Variants in CYGB observed in about 807,000 individuals in gnomAD.
The protein encoded by CYGB is cytoglobin.
In CYGB, 13 loss-of-function variants were observed where a neutral mutation model predicts 20.7. The ratio of observed to expected loss-of-function variants is 0.63; its 90% confidence interval spans 0.41 to 1.00. The LOEUF is 1.00. Ranked by LOEUF, CYGB falls within the 50% of genes least tolerant of loss-of-function variation. The pLI, the probability that CYGB is intolerant of heterozygous loss-of-function variation, is 0.00. For synonymous variants in CYGB, 93 were observed against 107.4 expected, an observed-to-expected ratio of 0.87 and a Z score of 0.83; for missense variants, 218 against 257.2, an observed-to-expected ratio of 0.85 and a Z score of 1.04.
At chr17:76,534,113 T>C (rs2074882925) in intron 1 of CYGB, among the ~76,000 whole-genome samples, 1 of 148,372 alleles carries the variant, frequency 6.7e-6, no homozygotes, top group Non-Finnish European at 1.5e-5. Flanking sequence ...CTTTCTTTCT[T>C]CTTTCTTTCT....
In CYGB at chr17:76,547,841, T is replaced by TCA. The variant is rs144275867; in HGVS notation, c.-53+3019_-53+3020dup. Among the ~76,000 whole-genome samples, 43 of 123,816 alleles carry TCA rather than the reference T, an allele frequency of 3.5e-4. 2 individuals carry two copies. The highest frequency in any genetic ancestry group is 1.7e-3 in the African/African-American group (41 of 24,762). 81.2% of individuals were successfully genotyped at this position (123,816 alleles called of 152,430 possible). A position where few individuals can be genotyped will look rare whatever the true frequency, so the allele number is the denominator to read the frequency against. On this transcript the variant is annotated intron_variant, in intron 1 of 3. Coordinates refer to the CYGB transcript ENST00000589145. Reference sequence around the variant, plus strand: ...TCACACACACACACACAACACACATTCACACACACACAGACATACACATAT... The same window carrying TCA: ...TCACACACACACACACAACACACATTCACACACACACACAGACATACACATAT...
chr17:76,542,639 G>A (rs1303543618), upstream of CYGB: 4 of 1,592,216 alleles, frequency 2.5e-6, no homozygotes, highest in South Asian at 3.3e-5. Flanking sequence ...GGCAGGTAGG[G>A]CAGGGCTGGG....
At chr17:76,543,741 C>T (rs1236281434) in intron 1 of CYGB, 8 of 469,280 alleles carry the variant, frequency 1.7e-5, no homozygotes, top group Middle Eastern at 5.2e-4. Flanking sequence ...ACTTGTGGTC[C>T]GAGGTGCTGG....
intron 1 of CYGB, among the ~76,000 whole-genome samples, chr17:76,542,855 T>G (rs2075008034): frequency 6.6e-6 from 1 of 152,158 alleles, no homozygotes; most frequent in African/African-American, 2.4e-5. Context: ...GAACCAGGTG[T>G]AGTTTGACCA....
upstream of CYGB, among the ~76,000 whole-genome samples, chr17:76,541,381 G>A (rs926444316): frequency 1.3e-5 from 2 of 152,192 alleles, no homozygotes; most frequent in African/African-American, 4.8e-5. Flanking sequence ...GGGTCAGGGC[G>A]CACTGGCAGG....
chr17:76,537,019 T>C (rs2074922618), intron 1 of CYGB, among the ~76,000 whole-genome samples: 1 of 152,188 alleles, frequency 6.6e-6, no homozygotes, highest in Non-Finnish European at 1.5e-5. Context: ...GAGCCTCGGT[T>C]TTCCCATCTC....
Position 76,537,613 on chromosome 17 carries a change from G to A in CYGB, c.-71C>T, listed in dbSNP as rs1458858676. On this transcript the variant is annotated 5_prime_UTR_variant, in exon 1 of 4. Coordinates refer to ENST00000293230, the MANE Select transcript of CYGB (RefSeq NM_134268.5). Reference sequence around the variant, plus strand: ...CGGGGCGCGGGGCGCGGGGCGCGGGGCGCCGGGAGCCGGGGCCGGCTGCGT... The same window carrying A: ...CGGGGCGCGGGGCGCGGGGCGCGGGACGCCGGGAGCCGGGGCCGGCTGCGT... 9.9e-7 allele frequency: 1 copy of A among 1,013,102 alleles called. No homozygotes were observed. Among genetic ancestry groups the A allele is most frequent in the African/African-American group, 1.7e-5 (1 of 57,210 alleles). 62.8% of individuals were successfully genotyped at this position (1,013,102 alleles called of 1,614,324 possible).
In CYGB at chr17:76,528,313, G is replaced by A; in HGVS notation, c.*265C>T. On this transcript the variant is annotated 3_prime_UTR_variant, in exon 4 of 4. Transcript: ENST00000293230. The surrounding 1 kb of genome is among the most constrained non-coding windows in gnomAD (Gnocchi z 5.8). Reference sequence around the variant, plus strand: ...CCGCTTCCTGCCAGCCGCTCAGCTAGGTCTCTCTCTAACAGTGAGTAGAAA... The same window carrying A: ...CCGCTTCCTGCCAGCCGCTCAGCTAAGTCTCTCTCTAACAGTGAGTAGAAA... 1 of 400,916 alleles carries A rather than the reference G, an allele frequency of 2.5e-6. No individual in the cohort carries two copies. The allele number at this position is 400,916 out of a possible 1,614,324, so 24.8% of individuals were successfully genotyped here. A position where few individuals can be genotyped will look rare whatever the true frequency, so the allele number is the denominator to read the frequency against.
chr17:76,531,723 C>G lies in CYGB; in HGVS notation c.144-32G>C. 1 of 1,554,048 alleles carries G rather than the reference C, an allele frequency of 6.4e-7. No individual in the cohort carries two copies. The highest frequency in any genetic ancestry group is 8.8e-7 in the Non-Finnish European group (1 of 1,140,476). On this transcript the variant is annotated intron_variant, in intron 1 of 3. Transcript: ENST00000293230. The surrounding 1 kb of genome is among the most constrained non-coding windows in gnomAD (Gnocchi z 7.4). ...AGAGGAACAGGGGTGGTCGCTGAAG[C>G]TGGAGGCTGCCTCGGGCCCACCCTG... is the stretch of plus-strand genomic sequence containing the variant.
In CYGB at chr17:76,531,963, T is replaced by G; in HGVS notation, c.144-272A>C. ...GGCCTCTGTCTTCCTCGCTTCTTGCTTCCTTCCCAAACTCTACACCCCCTT... is the reference window on the plus strand; with the variant it reads ...GGCCTCTGTCTTCCTCGCTTCTTGCGTCCTTCCCAAACTCTACACCCCCTT... On this transcript the variant is annotated intron_variant, in intron 1 of 3. Transcript: ENST00000293230. The surrounding 1 kb of genome is among the most constrained non-coding windows in gnomAD (Gnocchi z 7.4). 2.8e-6 allele frequency: 1 copy of G among 359,156 alleles called. No homozygotes were observed. Among genetic ancestry groups the G allele is most frequent in the Non-Finnish European group, 5.2e-6 (1 of 193,760 alleles). The allele number at this position is 359,156 out of a possible 1,614,324, so 22.2% of individuals were successfully genotyped here.
intron 3 of CYGB, chr17:76,529,788 C>CT: frequency 1.0e-6 from 1 of 985,354 alleles, no homozygotes; most frequent in Non-Finnish European, 1.2e-6. Flanking sequence ...CCAACATCTG[C>CT]TTGTTTCCCA....
At chr17:76,542,484 A>T, upstream of CYGB, 1 of 1,574,918 alleles carries the variant, frequency 6.3e-7, no homozygotes, top group East Asian at 2.2e-5. Context: ...GAGGAGGAGG[A>T]AGAGGAGAGT....
chr17:76,540,162 G>C, upstream of CYGB: 1 of 1,602,522 alleles, frequency 6.2e-7, no homozygotes, highest in Non-Finnish European at 8.5e-7. The surrounding 1 kb of genome is among the most constrained non-coding windows in gnomAD (Gnocchi z 5.0). Context: ...CCCTTTTCCT[G>C]CTCAGCACCC....
intron 1 of CYGB, 57 bp downstream of exon 1, chr17:76,537,342 GC>G: frequency 6.6e-7 from 1 of 1,505,052 alleles, no homozygotes. Flanking sequence ...GCCCTCCTCT[GC>G]CCGGAGCCGC....
intron 3 of CYGB, chr17:76,529,984 C>T: frequency 1.0e-6 from 1 of 985,310 alleles, no homozygotes; most frequent in African/African-American, 1.7e-5. Flanking sequence ...GCCTGGCGTC[C>T]CCAGCTGCCC....
At chr17:76,529,648 T>A (rs2074810825) in intron 3 of CYGB, 1 of 984,266 alleles carries the variant, frequency 1.0e-6, no homozygotes. Context: ...GGGAGAGGGG[T>A]GGGAGGGCAG....
rs1474400008 is a variant in CYGB, at chr17:76,530,139, C to T, written c.539+840G>A. 6 of 970,808 alleles carry T rather than the reference C, an allele frequency of 6.2e-6. No individual in the cohort carries two copies. The highest frequency in any genetic ancestry group is 1.8e-5 in the African/African-American group (1 of 56,784). 60.1% of individuals were successfully genotyped at this position (970,808 alleles called of 1,614,324 possible). A position where few individuals can be genotyped will look rare whatever the true frequency, so the allele number is the denominator to read the frequency against. On this transcript the variant is annotated intron_variant, in intron 3 of 3. Coordinates refer to ENST00000293230, the MANE Select transcript of CYGB (RefSeq NM_134268.5). This position sits in a 1 kb window ranked among gnomAD's most constrained non-coding sequence, Gnocchi z 6.1. ...CTACCACGGGAATGTTTCTCTACCA[C>T]GCGTGTCCCGGGCTGCTGGCTGACC...
chr17:76,528,686 C>T lies in CYGB; in HGVS notation c.540-75G>A, dbSNP rs73365381. ...GGACCCTCGGGGGAAAGGGGGAGGA[C>T]CTGGGGCTGGCGAGGCTCACTTCCT... On this transcript the variant is annotated intron_variant, in intron 3 of 3. Coordinates refer to ENST00000293230, the MANE Select transcript of CYGB (RefSeq NM_134268.5). The surrounding 1 kb of genome is among the most constrained non-coding windows in gnomAD (Gnocchi z 5.8). 109 of 1,223,132 alleles carry T rather than the reference C, an allele frequency of 8.9e-5. No individual in the cohort carries two copies. The African/African-American group carries it at 1.6e-3, about 18-fold the overall frequency. The allele number at this position is 1,223,132 out of a possible 1,614,324, so 75.8% of individuals were successfully genotyped here.
At chr17:76,529,075 C>T (rs1294319508) in intron 3 of CYGB, 11 of 448,470 alleles carry the variant, frequency 2.5e-5, no homozygotes, top group Non-Finnish European at 2.9e-5. Context: ...CACGCAAAGG[C>T]GCACACCCTG....
Sources: allele counts gnomAD v4.1 joint callset (sites outside exome capture counted in the v4.1 genomes callset), GRCh38; gene constraint gnomAD v4.1.1; non-coding constraint Gnocchi (gnomAD v3.1); transcripts MANE v1.5; gene names NCBI Gene and HGNC (gene_info 2026-07-23, HGNC 2026-07-21).